Variants in DDX4 observed in about 807,000 individuals in gnomAD.
DDX4 encodes the protein probable ATP-dependent RNA helicase DDX4.
In DDX4, 25 loss-of-function variants were observed where a neutral mutation model predicts 100.0. The observed-to-expected ratio is 0.25, with a 90% CI of 0.18 to 0.35. The LOEUF is 0.35. DDX4 is among the 10% of genes least tolerant of loss of function. The pLI is 1.00. For missense variants in DDX4, 635 were observed against 882.4 expected (o/e 0.72, Z 3.55); for synonymous variants, 259 against 275.7 (o/e 0.94, Z 0.60).
At chr5:55,803,007 G>C (rs957206169) in intron 18 of DDX4, among the ~76,000 whole-genome samples, 2 of 151,550 alleles carry the variant, frequency 1.3e-5, no homozygotes, top group African/African-American at 4.9e-5. Flanking sequence ...ATGCAGGTTT[G>C]TTACGTATGT....
intron 3 of DDX4, among the ~76,000 whole-genome samples, chr5:55,757,311 T>C (rs932220029): frequency 6.6e-6 from 1 of 152,224 alleles, no homozygotes; most frequent in African/African-American, 2.4e-5. Flanking sequence ...ATCATTCTTA[T>C]GCCTTTGCAT....
chr5:55,755,413 T>C (rs1019861670), intron 3 of DDX4, among the ~76,000 whole-genome samples: 2 of 152,180 alleles, frequency 1.3e-5, no homozygotes, highest in African/African-American at 4.8e-5. Context: ...AATTACTGAT[T>C]TCTATTATTT....
chr5:55,781,195 T>C lies in DDX4; in HGVS notation c.577+49T>C, dbSNP rs765344660. Reference sequence around the variant, plus strand: ...AATATTAGTTACTGATGTATGTTTTTAGCACTAGGATTAGTAAACCTAATA... The same window carrying C: ...AATATTAGTTACTGATGTATGTTTTCAGCACTAGGATTAGTAAACCTAATA... On this transcript the variant is annotated intron_variant, in intron 9 of 21. Coordinates refer to ENST00000505374, the MANE Select transcript of DDX4 (RefSeq NM_024415.3). 8.3e-6 allele frequency: 12 copies of C among 1,445,352 alleles called. No individual in the cohort carries two copies. In the Admixed American group the frequency reaches 2.4e-4, roughly 28 times the overall value. The allele number at this position is 1,445,352 out of a possible 1,614,324, so 89.5% of individuals were successfully genotyped here. A position where few individuals can be genotyped will look rare whatever the true frequency, so the allele number is the denominator to read the frequency against.
At chr5:55,793,294 G>A (rs779245522) in intron 17 of DDX4, among the ~76,000 whole-genome samples, 1 of 152,088 alleles carries the variant, frequency 6.6e-6, no homozygotes, top group Non-Finnish European at 1.5e-5. Flanking sequence ...TACTGGAATG[G>A]TGACTCTTTT....
chr5:55,775,007 G>A (rs1007149676), intron 7 of DDX4, among the ~76,000 whole-genome samples: 5 of 152,160 alleles, frequency 3.3e-5, no homozygotes, highest in Admixed American at 3.3e-4. Context: ...TATTCCGTTA[G>A]ACAACAATTC....
In DDX4 at chr5:55,804,701, T is replaced by C. The variant is rs530429742; in HGVS notation, c.1615+6130T>C. ...ATCTATATCTCTGTTTTGGTACCAG[T>C]ACCATGCTGTTTTGGTTACTGTGGC... On this transcript the variant is annotated intron_variant, in intron 18 of 21. Coordinates refer to ENST00000505374, the MANE Select transcript of DDX4 (RefSeq NM_024415.3). Among the ~76,000 whole-genome samples the C allele has an allele frequency of 3.4e-3, 518 of 152,236 alleles. 1 individual carries two copies. The highest frequency in any genetic ancestry group is 5.8e-3 in the South Asian group (28 of 4,822).
At chr5:55,754,034 C>T (rs1759755341) in intron 3 of DDX4, among the ~76,000 whole-genome samples, 1 of 133,174 alleles carries the variant, frequency 7.5e-6, no homozygotes, top group Non-Finnish European at 1.6e-5. Flanking sequence ...TATCCTGAGA[C>T]TTTGCTGAAG....
intron 19 of DDX4, 85 bp downstream of exon 19, chr5:55,813,857 A>T: frequency 7.3e-7 from 1 of 1,369,554 alleles, no homozygotes; most frequent in Non-Finnish European, 9.5e-7. Context: ...CTAATATGAT[A>T]TAATCCTAGG....
At chr5:55,807,568 T>C (rs1287432429) in intron 18 of DDX4, among the ~76,000 whole-genome samples, 1 of 152,184 alleles carries the variant, frequency 6.6e-6, no homozygotes, top group East Asian at 1.9e-4. Flanking sequence ...ATTTTATTTC[T>C]CCTTCACTTT....
At chr5:55,766,845 C>G (rs971503519) in intron 6 of DDX4, 2 of 1,451,802 alleles carry the variant, frequency 1.4e-6, no homozygotes, top group African/African-American at 2.9e-5. Context: ...TTTTTGGAAT[C>G]TTCTGGAAAG....
chr5:55,812,942 C>T (rs1306435220), intron 18 of DDX4, among the ~76,000 whole-genome samples: 1 of 151,606 alleles, frequency 6.6e-6, no homozygotes, highest in South Asian at 2.1e-4. Flanking sequence ...AGTGAGATTA[C>T]AGAGAAATGG....
intron 7 of DDX4, 125 bp from the exon 8 acceptor site, chr5:55,779,839 A>G (rs1561497880): frequency 1.5e-6 from 2 of 1,369,764 alleles, no homozygotes; most frequent in Middle Eastern, 2.0e-4. Context: ...CTTTTTGACA[A>G]CAATGCCTTT....
At chr5:55,804,097 GT>G (rs1293410013) in intron 18 of DDX4, among the ~76,000 whole-genome samples, 3 of 151,722 alleles carry the variant, frequency 2.0e-5, no homozygotes, top group Admixed American at 1.3e-4. Context: ...TTTTCATGTG[GT>G]TTTTGGCTGC....
At chr5:55,794,332 C>T (rs912943767) in intron 17 of DDX4, among the ~76,000 whole-genome samples, 4 of 151,388 alleles carry the variant, frequency 2.6e-5, no homozygotes, top group African/African-American at 7.3e-5. Flanking sequence ...GGATTACAGG[C>T]GCCTGCCACC....
At chr5:55,796,916 A>G (rs1175971936) in intron 17 of DDX4, among the ~76,000 whole-genome samples, 1 of 128,888 alleles carries the variant, frequency 7.8e-6, no homozygotes, top group Non-Finnish European at 1.5e-5. Flanking sequence ...ATCATGGTTC[A>G]CTGCCACCTT....
intron 3 of DDX4, among the ~76,000 whole-genome samples, chr5:55,759,965 T>G (rs1367772243): frequency 6.6e-6 from 1 of 152,182 alleles, no homozygotes; most frequent in African/African-American, 2.4e-5. Flanking sequence ...GGTTAAAAAT[T>G]GCTGTCTTTT....
At chr5:55,790,747 T>C (rs767821225) in intron 16 of DDX4, 42 bp downstream of exon 16, 1 of 1,591,684 alleles carries the variant, frequency 6.3e-7, no homozygotes, top group South Asian at 1.1e-5. Flanking sequence ...ATTGATACTT[T>C]TTGTTTGGTA....
At chr5:55,740,107 C>A (rs1322022762) in intron 2 of DDX4, among the ~76,000 whole-genome samples, 1 of 152,194 alleles carries the variant, frequency 6.6e-6, no homozygotes, top group Non-Finnish European at 1.5e-5. Context: ...ACCTACAAAT[C>A]TTGCCCAATA....
chr5:55,785,223 A>C, intron 10 of DDX4, 74 bp from the exon 11 acceptor site: 1 of 1,003,918 alleles, frequency 1.0e-6, no homozygotes, highest in Non-Finnish European at 1.5e-6. Context: ...TTCTCTTTGA[A>C]GACAAGCAAC....
Sources: gnomAD v4.1 joint callset for allele counts (sites outside exome capture counted in the v4.1 genomes callset) on GRCh38, gnomAD v4.1.1 for gene constraint, MANE v1.5 for transcripts, NCBI Gene and HGNC (gene_info 2026-07-23, HGNC 2026-07-21) for gene names.